GMDS: variants seen among roughly 807,000 people sequenced by gnomAD.
The protein encoded by GMDS is GDP-mannose 4,6-dehydratase, also known as GDP-mannose 4,6 dehydratase.
In GMDS, 20 loss-of-function variants were observed where a neutral mutation model predicts 49.9. The observed-to-expected ratio is 0.40, with a 90% CI of 0.28 to 0.58. GMDS has a LOEUF of 0.58. GMDS is among the 20% of genes least tolerant of loss of function. GMDS has a pLI of 0.42. For missense variants in GMDS, 362 were observed against 481.4 expected (o/e 0.75, Z 2.32); for synonymous variants, 177 against 178.6 (o/e 0.99, Z 0.07).
At chr6:2,139,878 G>A (rs1470657114) in intron 1 of GMDS, among the ~76,000 whole-genome samples, 1 of 152,202 alleles carries the variant, frequency 6.6e-6, no homozygotes, top group Admixed American at 6.5e-5. Context: ...ACAGGAAGAC[G>A]TCGTGAAAGA....
At chr6:2,173,857 T>C (rs1035000867) in intron 1 of GMDS, among the ~76,000 whole-genome samples, 2 of 152,330 alleles carry the variant, frequency 1.3e-5, no homozygotes, top group Admixed American at 6.5e-5. Flanking sequence ...ATATCTACCA[T>C]TCCTCAAGCA....
chr6:2,163,128 A>C (rs1777488982), intron 1 of GMDS, among the ~76,000 whole-genome samples: 1 of 152,216 alleles, frequency 6.6e-6, no homozygotes, highest in Non-Finnish European at 1.5e-5. Flanking sequence ...TGTGCCTAGG[A>C]GGCTACTTTT....
chr6:2,104,352 C>T (rs1774099957), intron 4 of GMDS, among the ~76,000 whole-genome samples: 2 of 152,186 alleles, frequency 1.3e-5, no homozygotes, highest in South Asian at 2.1e-4. Context: ...TCAATAGTAG[C>T]TTTCTTTCTT....
chr6:2,025,206 AAAGTT>A (rs1415994406), intron 4 of GMDS, among the ~76,000 whole-genome samples: 1 of 152,138 alleles, frequency 6.6e-6, no homozygotes, highest in Non-Finnish European at 1.5e-5. Flanking sequence ...AGAAGACATT[AAAGTT>A]GATTTTTATT....
chr6:1,812,392 C>T (rs1358044704), intron 7 of GMDS, among the ~76,000 whole-genome samples: 1 of 152,114 alleles, frequency 6.6e-6, no homozygotes, highest in Non-Finnish European at 1.5e-5. Context: ...TCCACAGTTT[C>T]GCTAACAGTA....
At chr6:1,746,189 AGT>A (rs1338068440) in intron 7 of GMDS, among the ~76,000 whole-genome samples, 1 of 151,134 alleles carries the variant, frequency 6.6e-6, no homozygotes, top group Admixed American at 6.6e-5. Flanking sequence ...CTAGAGAAAC[AGT>A]GTTGAGGTTA....
At chr6:1,782,881 TG>T (rs1324724468) in intron 7 of GMDS, among the ~76,000 whole-genome samples, 6 of 152,182 alleles carry the variant, frequency 3.9e-5, no homozygotes, top group African/African-American at 1.4e-4. Flanking sequence ...AGGCTGGGTG[TG>T]GTGGCTCATG....
At chr6:2,008,052 T>C (rs1191390220) in intron 4 of GMDS, among the ~76,000 whole-genome samples, 1 of 152,214 alleles carries the variant, frequency 6.6e-6, no homozygotes, top group Admixed American at 6.5e-5. Context: ...CAGAACATTT[T>C]AAAATTTATC....
At chr6:1,879,614 G>T (rs1404496968) in intron 7 of GMDS, among the ~76,000 whole-genome samples, 2 of 151,362 alleles carry the variant, frequency 1.3e-5, no homozygotes, top group African/African-American at 4.9e-5. Context: ...TATTGAGATA[G>T]AGAGAAGTGC....
At chr6:1,789,574 T>TA (rs932075959) in intron 7 of GMDS, among the ~76,000 whole-genome samples, 7 of 150,920 alleles carry the variant, frequency 4.6e-5, no homozygotes, top group African/African-American at 7.3e-5. Context: ...CTTGCTCTGT[T>TA]ACCCAGGCTG....
At chr6:1,677,544 C>T (rs1016344320) in intron 9 of GMDS, among the ~76,000 whole-genome samples, 6 of 152,038 alleles carry the variant, frequency 3.9e-5, no homozygotes, top group Admixed American at 1.3e-4. Flanking sequence ...TTGGAACCAA[C>T]CCAAATGTCC....
chr6:2,184,333 T>G (rs1778684591), intron 1 of GMDS, among the ~76,000 whole-genome samples: 1 of 152,188 alleles, frequency 6.6e-6, no homozygotes, highest in African/African-American at 2.4e-5. Context: ...GCACTAAGAA[T>G]AAAACTAAAA....
intron 1 of GMDS, among the ~76,000 whole-genome samples, chr6:2,160,958 C>A (rs17134732): frequency 0.17 from 26,613 of 152,182 alleles, 2,752 homozygotes; most frequent in Middle Eastern, 0.23. Flanking sequence ...AATGACCATA[C>A]CCTGAAGCTC....
chr6:1,652,379 A>AT (rs1561700366), intron 9 of GMDS, among the ~76,000 whole-genome samples: 1 of 9,892 alleles, frequency 1.0e-4, no homozygotes, highest in Non-Finnish European at 2.6e-4. Flanking sequence ...CTAAAAAAAA[A>AT]AATATATATA....
At chr6:1,720,157 A>G (rs1766326904) in intron 9 of GMDS, among the ~76,000 whole-genome samples, 1 of 152,202 alleles carries the variant, frequency 6.6e-6, no homozygotes, top group South Asian at 2.1e-4. Flanking sequence ...AACTTCAAGG[A>G]AAAAAGGAGG....
intron 6 of GMDS, among the ~76,000 whole-genome samples, chr6:1,958,183 G>A (rs1462599362): frequency 4.6e-5 from 7 of 151,390 alleles, no homozygotes; most frequent in African/African-American, 1.5e-4. Flanking sequence ...CTCATTAGGA[G>A]GTACACAAAG....
chr6:2,124,707 G>C lies in GMDS; in HGVS notation c.127C>G (p.Leu43Val). ...GQDGSYLAEF[L>V]LEKGYEVHGI... is the part of the protein sequence containing the mutation. Reference sequence around the variant, plus strand: ...CCCACCTCATAGCCTTTCTCCAGCAGGAACTCAGCCAGGTAGGAACCATCC... The same window carrying C: ...CCCACCTCATAGCCTTTCTCCAGCACGAACTCAGCCAGGTAGGAACCATCC... Residue 43 changes from leucine to valine, a missense_variant, in exon 2 of 11, where the codon CTG (leucine) becomes GTG (valine). By Grantham distance (32) the Leu-to-Val change is conservative. Coordinates refer to ENST00000380815, the MANE Select transcript of GMDS (RefSeq NM_001500.4). 6 of 1,613,816 alleles carry C rather than the reference G, an allele frequency of 3.7e-6. No homozygotes were observed. Among genetic ancestry groups the C allele is most frequent in the Non-Finnish European group, 5.1e-6 (6 of 1,179,828 alleles).
chr6:1,756,662 C>G (rs544040241), intron 7 of GMDS, among the ~76,000 whole-genome samples: 1 of 152,296 alleles, frequency 6.6e-6, no homozygotes, highest in Admixed American at 6.5e-5. Flanking sequence ...TGGTGATGGC[C>G]AAGGCGGACT....
intron 6 of GMDS, among the ~76,000 whole-genome samples, chr6:1,945,323 G>A (rs569092498): frequency 7.9e-5 from 12 of 152,092 alleles, no homozygotes; most frequent in African/African-American, 1.4e-4. Context: ...AGGCAATAGC[G>A]TGCCTCTCAA....
Sources: gnomAD v4.1 joint callset for allele counts (sites outside exome capture counted in the v4.1 genomes callset) on GRCh38, gnomAD v4.1.1 for gene constraint, MANE v1.5 for transcripts, NCBI Gene and HGNC (gene_info 2026-07-23, HGNC 2026-07-21) for gene names.